The following MACF1 variants were observed in gnomAD, a reference collection of about 807,000 sequenced individuals.
MACF1 encodes microtubule actin crosslinking factor 1.
A neutral mutation model predicts 854.8 loss-of-function variants in MACF1; 193 were observed. The observed-to-expected ratio is 0.23, with a 90% CI of 0.20 to 0.25. The LOEUF is 0.25. MACF1 is among the 10% of genes least tolerant of loss of function. The probability of loss-of-function intolerance (pLI) is 1.00; values close to 1 mark genes in which losing one functional copy is unlikely to be tolerated. For synonymous variants in MACF1, 3,185 were observed against 3,226.7 expected, an observed-to-expected ratio of 0.99 and a Z score of 0.44; for missense variants, 7,722 against 8,929.1, an observed-to-expected ratio of 0.86 and a Z score of 5.45.
intron 15 of MACF1, among the ~76,000 whole-genome samples, 190 bp from the exon 16 acceptor site, chr1:39,291,720 C>G (rs1321957960): frequency 6.6e-6 from 1 of 152,146 alleles, no homozygotes; most frequent in Admixed American, 6.5e-5. Context: ...TTGGTGGGCT[C>G]TGTTCTCCTG....
chr1:39,290,346 G>A (rs1326892435), intron 15 of MACF1, among the ~76,000 whole-genome samples: 2 of 152,114 alleles, frequency 1.3e-5, no homozygotes, highest in East Asian at 3.8e-4. Flanking sequence ...CATTGTAGGT[G>A]TATGGATTTG....
chr1:39,406,067 A>C (rs771341777), intron 58 of MACF1, among the ~76,000 whole-genome samples: 1 of 152,186 alleles, frequency 6.6e-6, no homozygotes, highest in Non-Finnish European at 1.5e-5. Flanking sequence ...TTCTAAACAC[A>C]TACTGATGAT....
At chr1:39,424,285 T>G in intron 61 of MACF1, 91 bp downstream of exon 61, 1 of 1,146,076 alleles carries the variant, frequency 8.7e-7, no homozygotes, top group Non-Finnish European at 1.2e-6. Flanking sequence ...ATGATTCATA[T>G]AGATTTTTGG....
chr1:39,353,131 C>T lies in MACF1; in HGVS notation c.11324C>T (p.Ser3775Leu), dbSNP rs768115646. The change falls in exon 44 of 101, where the codon TCG (serine) becomes TTG (leucine). Residue 3775 changes from serine (S) to leucine (L), a missense_variant. Ser to Leu is a moderately radical substitution (Grantham distance 145, BLOSUM62 -2). Around this residue, in one of 15 missense-constraint regions of MACF1, gnomAD observed 2,807 missense variants for 3,235.8 expected, o/e 0.87. Coordinates refer to ENST00000564288, the MANE Select transcript of MACF1 (RefSeq NM_001394062.1). ...AACCTTCCAGGAATGGAGCAGCTCT[C>T]GGGAGCTAGCTTGGAGAAAGGAGCC... ...LTNLPGMEQL[S>L]GASLEKGALD... is the part of the protein sequence containing the mutation. The T allele has an allele frequency of 9.3e-6, 15 of 1,614,092 alleles. No homozygotes were observed. The highest frequency in any genetic ancestry group is 4.0e-5 in the African/African-American group (3 of 75,026).
At chr1:39,274,566 C>G (rs1645396232) in intron 6 of MACF1, among the ~76,000 whole-genome samples, 1 of 152,172 alleles carries the variant, frequency 6.6e-6, no homozygotes, top group Non-Finnish European at 1.5e-5. Context: ...TATGTGAATA[C>G]TACCTCATTT....
intron 26 of MACF1, among the ~76,000 whole-genome samples, chr1:39,312,189 A>C (rs1394960361): frequency 6.6e-6 from 1 of 152,106 alleles, no homozygotes; most frequent in Non-Finnish European, 1.5e-5. Context: ...GCACCACTGC[A>C]CTCCAGCCTG....
chr1:39,333,300 G>C lies in MACF1; in HGVS notation c.6712G>C (p.Asp2238His). Residue 2238 changes from aspartate (D) to histidine (H), a missense_variant, in exon 37 of 101, where the codon GAT becomes CAT. Physicochemically the swap from Asp to His is moderately conservative, Grantham distance 81. This residue lies in a region of MACF1 where 1,531 missense variants were observed against 1,601.6 expected (regional missense o/e 0.96). Transcript: ENST00000564288. ...GTTAAAGAAAACATTTCTGGCTAAG[G>C]ATGACCATAAAGAAAGTCAAGAAGC... Reference protein sequence around the residue: ...EMLKKTFLAKDDHKESQEAQN... With the variant: ...EMLKKTFLAKHDHKESQEAQN... 6.2e-7 allele frequency: 1 copy of C among 1,614,086 alleles called. No homozygotes were observed. The highest frequency in any genetic ancestry group is 8.5e-7 in the Non-Finnish European group (1 of 1,180,026).
chr1:39,397,853 G>A (rs1226219754), intron 58 of MACF1, among the ~76,000 whole-genome samples: 3 of 152,076 alleles, frequency 2.0e-5, no homozygotes, highest in Non-Finnish European at 4.4e-5. Flanking sequence ...TATAGTAAGG[G>A]AAACAGATAC....
chr1:39,253,636 C>T (rs1329672832), intron 4 of MACF1, among the ~76,000 whole-genome samples: 1 of 150,920 alleles, frequency 6.6e-6, no homozygotes, highest in Non-Finnish European at 1.5e-5. Context: ...GCTTCAGCCT[C>T]CCAGATATCT....
At chr1:39,385,958 C>T in intron 57 of MACF1, 29 bp downstream of exon 57, 1 of 1,571,056 alleles carries the variant, frequency 6.4e-7, no homozygotes. Context: ...CATACTTCTG[C>T]CATTATTAGA....
chr1:39,473,082 T>C (rs761540020), intron 97 of MACF1, among the ~76,000 whole-genome samples: 1 of 152,240 alleles, frequency 6.6e-6, no homozygotes, highest in Admixed American at 6.5e-5. Context: ...GATTTCCTTA[T>C]GAAAACAGAG....
intron 2 of MACF1, among the ~76,000 whole-genome samples, chr1:39,177,044 C>A (rs938387033): frequency 3.3e-5 from 5 of 152,152 alleles, no homozygotes; most frequent in African/African-American, 7.2e-5. Flanking sequence ...TATGTAGTAT[C>A]TCTTGAGATA....
intron 2 of MACF1, among the ~76,000 whole-genome samples, chr1:39,174,848 G>C (rs557508954): frequency 4.5e-4 from 69 of 152,246 alleles, no homozygotes; most frequent in African/African-American, 1.4e-3. Flanking sequence ...GCTGGGTCTC[G>C]TCCCAGTGAC....
chr1:39,257,014 C>A (rs1330103871), intron 5 of MACF1, among the ~76,000 whole-genome samples: 1 of 152,118 alleles, frequency 6.6e-6, no homozygotes, highest in African/African-American at 2.4e-5. Flanking sequence ...GGCGTAGCTA[C>A]TCTGATGACT....
intron 1 of MACF1, among the ~76,000 whole-genome samples, chr1:39,229,714 G>C (rs1644757442): frequency 6.6e-6 from 1 of 152,102 alleles, no homozygotes; most frequent in Non-Finnish European, 1.5e-5. Context: ...ATGTTGTCTA[G>C]CATGGACTGG....
chr1:39,411,440 G>A (rs1642998728), intron 58 of MACF1: 3 of 1,613,792 alleles, frequency 1.9e-6, no homozygotes, highest in South Asian at 2.2e-5. Context: ...CTATCTCTTG[G>A]TCAGATTTGT....
rs369036896 is a variant in MACF1, at chr1:39,413,135, C to G, written c.15817-9239C>G. The G allele has an allele frequency of 6.2e-6, 10 of 1,611,804 alleles. No homozygotes were observed. The African/African-American group carries it at 1.2e-4, about 19-fold the overall frequency. ...GCAGGGTTCTCCCCAGAGTGGGCTGCTTTAGCTATTACAGTACCCATCACA... is the reference window on the plus strand; with the variant it reads ...GCAGGGTTCTCCCCAGAGTGGGCTGGTTTAGCTATTACAGTACCCATCACA... On this transcript the variant is annotated intron_variant, in intron 58 of 100. Transcript: ENST00000564288.
intron 2 of MACF1, among the ~76,000 whole-genome samples, chr1:39,091,784 C>A (rs1641814150): frequency 1.3e-5 from 2 of 152,156 alleles, no homozygotes; most frequent in Non-Finnish European, 2.9e-5. Context: ...ACAGCCACTG[C>A]ACCCGGCTGC....
chr1:39,448,435 T>C (rs538204799), intron 83 of MACF1, among the ~76,000 whole-genome samples, 159 bp from the exon 84 acceptor site: 1 of 152,318 alleles, frequency 6.6e-6, no homozygotes, highest in South Asian at 2.1e-4. Context: ...CAAAAAATTA[T>C]AAATTTCTTA....
Sources: gnomAD v4.1 joint callset for allele counts (sites outside exome capture counted in the v4.1 genomes callset) on GRCh38, gnomAD v4.1.1 for gene constraint, gnomAD v4.1.1 regional missense constraint, MANE v1.5 for transcripts, NCBI Gene and HGNC (gene_info 2026-07-23, HGNC 2026-07-21) for gene names.